The following TADA2A variants were observed in gnomAD, a reference collection of about 807,000 sequenced individuals.
The protein encoded by TADA2A is transcriptional adapter 2-alpha.
Under a neutral mutation model 67.4 loss-of-function variants are expected in TADA2A, and 38 were observed. That is an observed-to-expected ratio of 0.56 (90% CI 0.44 to 0.74). The LOEUF is 0.74. Among genes scored for constraint, TADA2A ranks in the 30% least tolerant of loss-of-function variants. The pLI, the probability that TADA2A is intolerant of heterozygous loss-of-function variation, is 0.00. For synonymous variants in TADA2A, 192 were observed against 181.6 expected, an observed-to-expected ratio of 1.06 and a Z score of -0.46; for missense variants, 454 against 547.0, an observed-to-expected ratio of 0.83 and a Z score of 1.70.
At chr17:37,409,266 T>G (rs918377397) in intron 1 of TADA2A, among the ~76,000 whole-genome samples, 8 of 151,890 alleles carry the variant, frequency 5.3e-5, no homozygotes, top group Non-Finnish European at 8.8e-5. Flanking sequence ...TTTTGTATTT[T>G]TGGTAGAGAC....
chr17:37,409,453 T>A (rs1023585906), intron 1 of TADA2A, among the ~76,000 whole-genome samples: 5 of 152,108 alleles, frequency 3.3e-5, no homozygotes, highest in African/African-American at 1.2e-4. Flanking sequence ...CAAAGTAGAA[T>A]GTGAAAAATG....
At chr17:37,440,388 G>T in intron 5 of TADA2A, 117 bp from the exon 6 acceptor site, 1 of 1,171,104 alleles carries the variant, frequency 8.5e-7, no homozygotes. Context: ...ATATCAATTT[G>T]GAAATATGAG....
rs572046598 is a variant in TADA2A at position 37,439,128 on chromosome 17, A to G, written c.284+1299A>G. 1.2e-4 allele frequency among the ~76,000 whole-genome samples: 18 copies of G among 152,168 alleles called. No individual in the cohort carries two copies. In the East Asian group the frequency reaches 3.5e-3, roughly 29 times the overall value. ...GTCAGGGATTTTTTTTTATTGAGAC[A>G]GTCTCACTTTATCACCCAGGCTGAA... On this transcript the variant is annotated intron_variant, in intron 5 of 15. Coordinates refer to ENST00000615182, the MANE Select transcript of TADA2A (RefSeq NM_001166105.3).
intron 15 of TADA2A, among the ~76,000 whole-genome samples, chr17:37,475,950 A>G: frequency 6.6e-6 from 1 of 152,172 alleles, no homozygotes; most frequent in East Asian, 1.9e-4. Flanking sequence ...TGCTCCTCAT[A>G]TGCTCCTTTT....
intron 10 of TADA2A, 32 bp from the exon 11 acceptor site, chr17:37,465,399 C>T: frequency 6.6e-7 from 1 of 1,521,936 alleles, no homozygotes; most frequent in African/African-American, 1.4e-5. Context: ...TTACATTTCC[C>T]ATGACACATT....
At chr17:37,456,400 A>G (rs918275751) in intron 8 of TADA2A, among the ~76,000 whole-genome samples, 1 of 152,228 alleles carries the variant, frequency 6.6e-6, no homozygotes, top group Non-Finnish European at 1.5e-5. Flanking sequence ...AATGGAGTCG[A>G]TAAGTGAGTA....
intron 4 of TADA2A, among the ~76,000 whole-genome samples, chr17:37,437,172 GC>G (rs2052754246): frequency 9.7e-5 from 4 of 41,120 alleles, no homozygotes; most frequent in African/African-American, 1.6e-4. Context: ...TGCAAGCTCC[GC>G]CTCCGCCTCC....
intron 2 of TADA2A, among the ~76,000 whole-genome samples, chr17:37,418,324 A>T (rs552426451): frequency 2.6e-5 from 4 of 152,332 alleles, no homozygotes; most frequent in Non-Finnish European, 4.4e-5. Context: ...TGTATTGAGC[A>T]TTGTAGGATA....
chr17:37,416,584 C>T (rs150315599), intron 2 of TADA2A, among the ~76,000 whole-genome samples: 1,701 of 152,146 alleles, frequency 0.011, 29 homozygotes, highest in African/African-American at 0.039. Flanking sequence ...AAGCCTCACT[C>T]GGCCACACAT....
At chr17:37,422,979 C>T (rs1257257523) in intron 2 of TADA2A, among the ~76,000 whole-genome samples, 1 of 152,140 alleles carries the variant, frequency 6.6e-6, no homozygotes, top group African/African-American at 2.4e-5. Context: ...TAGCTCATAC[C>T]TGTAATTCCA....
intron 4 of TADA2A, among the ~76,000 whole-genome samples, chr17:37,430,007 G>A (rs946697837): frequency 6.6e-6 from 1 of 152,204 alleles, no homozygotes; most frequent in Non-Finnish European, 1.5e-5. Context: ...AATACCTAGA[G>A]CCAGAATACA....
chr17:37,424,501 C>T (rs1181812455), intron 3 of TADA2A, among the ~76,000 whole-genome samples: 1 of 151,412 alleles, frequency 6.6e-6, no homozygotes, highest in Non-Finnish European at 1.5e-5. Context: ...GGCGACAGAG[C>T]AAGACTCTGT....
chr17:37,411,525 C>G, intron 2 of TADA2A, 135 bp downstream of exon 2: 1 of 821,332 alleles, frequency 1.2e-6, no homozygotes, highest in Non-Finnish European at 2.0e-6. Flanking sequence ...CGGCTTTAAA[C>G]GGTTCTCCTG....
chr17:37,419,050 T>C (rs1176110970), intron 2 of TADA2A, among the ~76,000 whole-genome samples: 1 of 146,626 alleles, frequency 6.8e-6, no homozygotes, highest in Non-Finnish European at 1.5e-5. Context: ...GTTGAATATA[T>C]GTACTATATT....
At chr17:37,452,402 C>G (rs1004471440) in intron 8 of TADA2A, among the ~76,000 whole-genome samples, 2 of 150,672 alleles carry the variant, frequency 1.3e-5, no homozygotes, top group African/African-American at 2.4e-5. Context: ...GACTCCATCT[C>G]AAAAAAAAAG....
intron 13 of TADA2A, 129 bp from the exon 14 acceptor site, chr17:37,470,963 CAT>C: frequency 1.2e-6 from 1 of 853,738 alleles, no homozygotes; most frequent in Non-Finnish European, 2.0e-6. Context: ...ATCTGTAAAA[CAT>C]AGTTCAGTCT....
rs751636581 is a variant in TADA2A at position 37,471,130 on chromosome 17, G to C, written c.1065G>C (p.Ser355=). The change falls in exon 14 of 16, where the codon TCG becomes TCC. Residue 355 remains serine (S), a synonymous_variant. Coordinates refer to ENST00000615182, the MANE Select transcript of TADA2A (RefSeq NM_001166105.3). The stretch of plus-strand genomic sequence containing the variant: ...TGAGTCCTTCCATTCCAATGGCTTC[G>C]AATTCAGGTAATTATTTCTCAGGCC... ...SGLSPSIPMA[S]NSGRRSAPPL... 1 of 1,614,030 alleles carries C rather than the reference G, an allele frequency of 6.2e-7. No homozygotes were observed. The highest frequency in any genetic ancestry group is 8.5e-7 in the Non-Finnish European group (1 of 1,180,000).
chr17:37,462,949 C>A (rs2148026762), intron 10 of TADA2A, among the ~76,000 whole-genome samples: 1 of 152,038 alleles, frequency 6.6e-6, no homozygotes, highest in Admixed American at 6.6e-5. Context: ...TAAATGCCAC[C>A]TTTGACCTTA....
At position 37,478,904 on chromosome 17, in the gene TADA2A, A is replaced by G. The variant is rs1055730565; in HGVS notation, c.*1922A>G. ...GGACTTCGATTTTTTAAAAAGAATG[A>G]CGTGGAAATGACCTGTTTTCCTTGT... On this transcript the variant is annotated 3_prime_UTR_variant, in exon 16 of 16. Coordinates refer to ENST00000615182, the MANE Select transcript of TADA2A (RefSeq NM_001166105.3). The G allele has an allele frequency of 6.6e-6, 1 of 152,208 alleles. No homozygotes were observed. The highest frequency in any genetic ancestry group is 1.5e-5 in the Non-Finnish European group (1 of 68,042). 9.4% of individuals were successfully genotyped at this position (152,208 alleles called of 1,614,324 possible).
Sources: allele counts gnomAD v4.1 joint callset (sites outside exome capture counted in the v4.1 genomes callset), GRCh38; gene constraint gnomAD v4.1.1; transcripts MANE v1.5; gene names NCBI Gene and HGNC (gene_info 2026-07-23, HGNC 2026-07-21).